Variants in CSTA observed in about 807,000 individuals in gnomAD.
The protein encoded by CSTA is cystatin-A.
A neutral mutation model predicts 9.2 loss-of-function variants in CSTA; 9 were observed. The ratio of observed to expected loss-of-function variants is 0.97; its 90% CI spans 0.59 to 1.70. The LOEUF (loss-of-function observed/expected upper bound fraction) is 1.70, where lower values mean the gene tolerates loss of function less well. CSTA is among the 40% of genes most tolerant of loss of function. The probability of loss-of-function intolerance (pLI) is 0.00; values close to 1 mark genes in which losing one functional copy is unlikely to be tolerated. For synonymous variants in CSTA, 36 were observed against 40.6 expected (o/e 0.89, Z 0.43); for missense variants, 118 against 113.1 (o/e 1.04, Z -0.20).
chr3:122,330,771 G>A (rs1031457315), intron 1 of CSTA, among the ~76,000 whole-genome samples: 3 of 152,168 alleles, frequency 2.0e-5, no homozygotes, highest in African/African-American at 7.2e-5. Context: ...AGAACTGTGT[G>A]AATTGCTATG....
intron 1 of CSTA, among the ~76,000 whole-genome samples, chr3:122,333,540 GA>G (rs1274127478): frequency 8.9e-6 from 1 of 112,078 alleles, no homozygotes; most frequent in African/African-American, 3.4e-5. Flanking sequence ...AGAAAAGAAA[GA>G]AGAAAGAAAG....
Position 122,330,676 on chromosome 3 carries a change from C to G in CSTA, c.66+5318C>G, listed in dbSNP as rs143194624. Among the ~76,000 whole-genome samples, 10 of 152,334 alleles carry G rather than the reference C, an allele frequency of 6.6e-5. No homozygotes were observed. In the East Asian group the frequency reaches 1.9e-3, roughly 29 times the overall value. On this transcript the variant is annotated intron_variant, in intron 1 of 2. Transcript: ENST00000264474. ...CGTATTAGCTGATGTCATTGCTATA[C>G]TCATCTTTCCTATTTGGGGAGACAA...
At chr3:122,337,898 T>G (rs1272889236) in intron 2 of CSTA, 2 of 464,816 alleles carry the variant, frequency 4.3e-6, no homozygotes, top group Non-Finnish European at 7.9e-6. Context: ...AAAGATTTCA[T>G]AACAGTTCAG....
At chr3:122,326,310 C>T (rs1300332041) in intron 1 of CSTA, among the ~76,000 whole-genome samples, 2 of 152,134 alleles carry the variant, frequency 1.3e-5, no homozygotes, top group African/African-American at 4.8e-5. Context: ...GGATTACAGG[C>T]GTGAGCCACC....
chr3:122,325,882 G>C (rs532078954), intron 1 of CSTA, among the ~76,000 whole-genome samples: 1 of 152,218 alleles, frequency 6.6e-6, no homozygotes, highest in South Asian at 2.1e-4. Context: ...ATAGTTAAAA[G>C]GTAATTCAAC....
rs1372694334 is a variant in CSTA at position 122,325,411 on chromosome 3, T to G, written c.66+53T>G. ...CTGAGCCAAAATCTTGATTCATAAG[T>G]TGTCCCTGTGGAAAGGCTGTGGTTG... On this transcript the variant is annotated intron_variant, in intron 1 of 2. Transcript: ENST00000264474. 1.9e-6 allele frequency: 3 copies of G among 1,552,718 alleles called. No individual in the cohort carries two copies. In the African/African-American group the frequency reaches 4.1e-5, roughly 21 times the overall value.
At position 122,341,542 on chromosome 3, in the gene CSTA, A is replaced by T. The variant is rs1362356969; in HGVS notation, c.272A>T (p.Lys91Met). The T allele has an allele frequency of 6.8e-6, 11 of 1,614,080 alleles. No individual in the cohort carries two copies. Among genetic ancestry groups the T allele is most frequent in the Non-Finnish European group, 9.3e-6 (11 of 1,180,030 alleles). Residue 91 changes from lysine (K) to methionine (M), a missense_variant, in exon 3 of 3, where the codon AAG (lysine) becomes ATG (methionine). Lys to Met is a moderately conservative substitution (Grantham distance 95). Coordinates refer to ENST00000264474, the MANE Select transcript of CSTA (RefSeq NM_005213.4). ...VLTGYQVDKNKDDELTGF is the reference protein window; with the variant it reads ...VLTGYQVDKNMDDELTGF Reference sequence around the variant, plus strand: ...ACTGGATACCAGGTTGACAAAAACAAGGATGACGAGCTGACGGGCTTTTAG... The same window carrying T: ...ACTGGATACCAGGTTGACAAAAACATGGATGACGAGCTGACGGGCTTTTAG...
chr3:122,337,480 T>A, intron 1 of CSTA, 67 bp from the exon 2 acceptor site: 3 of 1,038,194 alleles, frequency 2.9e-6, no homozygotes, highest in Non-Finnish European at 4.6e-6. Flanking sequence ...GGTTCCCAGA[T>A]GGGTACATTG....
intron 1 of CSTA, among the ~76,000 whole-genome samples, chr3:122,335,047 C>CAA (rs1185733639): frequency 5.9e-5 from 9 of 152,134 alleles, no homozygotes; most frequent in Non-Finnish European, 1.2e-4. Context: ...GGAACTGAGT[C>CAA]AAGAGCTCAT....
intron 2 of CSTA, 118 bp from the exon 3 acceptor site, chr3:122,341,321 A>G: frequency 9.8e-7 from 1 of 1,015,408 alleles, no homozygotes; most frequent in South Asian, 1.3e-5. Context: ...AGGTCTAGCA[A>G]TGCTGTTCCT....
chr3:122,341,041 A>C (rs188100853), intron 2 of CSTA, among the ~76,000 whole-genome samples: 20 of 152,064 alleles, frequency 1.3e-4, no homozygotes, highest in African/African-American at 4.3e-4. Context: ...TCCTGGGTTC[A>C]AGTGATTCTC....
In CSTA at chr3:122,341,549, C is replaced by T. The variant is rs569377469; in HGVS notation, c.279C>T (p.Asp93=). Residue 93 remains aspartate (D), a synonymous_variant, in exon 3 of 3, where the codon GAC becomes GAT. Coordinates refer to ENST00000264474, the MANE Select transcript of CSTA (RefSeq NM_005213.4). ...TGYQVDKNKD[D]ELTGF ...ACCAGGTTGACAAAAACAAGGATGACGAGCTGACGGGCTTTTAGCAGCATG... is the reference window on the plus strand; with the variant it reads ...ACCAGGTTGACAAAAACAAGGATGATGAGCTGACGGGCTTTTAGCAGCATG... 2.6e-5 allele frequency: 42 copies of T among 1,614,086 alleles called. No individual in the cohort carries two copies. Among genetic ancestry groups the T allele is most frequent in the Middle Eastern group, 3.3e-4 (2 of 6,062 alleles).
At chr3:122,333,945 T>G (rs564500097) in intron 1 of CSTA, among the ~76,000 whole-genome samples, 1 of 152,214 alleles carries the variant, frequency 6.6e-6, no homozygotes, top group Admixed American at 6.5e-5. Flanking sequence ...TTTAAATGGA[T>G]ACTTTGGGGG....
chr3:122,331,703 C>T (rs1334642318), intron 1 of CSTA, among the ~76,000 whole-genome samples: 1 of 152,186 alleles, frequency 6.6e-6, no homozygotes, highest in Non-Finnish European at 1.5e-5. Context: ...CCCAGGGCTG[C>T]CAGAACATTC....
chr3:122,325,965 G>T (rs1406473768), intron 1 of CSTA, among the ~76,000 whole-genome samples: 1 of 152,156 alleles, frequency 6.6e-6, no homozygotes, highest in East Asian at 1.9e-4. Flanking sequence ...TGGAAAAATA[G>T]AACTCAATGT....
chr3:122,335,510 T>C (rs935742031), intron 1 of CSTA, among the ~76,000 whole-genome samples: 36 of 152,190 alleles, frequency 2.4e-4, no homozygotes, highest in African/African-American at 8.7e-4. Context: ...GGCGAATACA[T>C]TGCAAATAAT....
Position 122,325,263 on chromosome 3 carries a change from T to A in CSTA, c.-30T>A. On this transcript the variant is annotated 5_prime_UTR_variant, in exon 1 of 3. Coordinates refer to ENST00000264474, the MANE Select transcript of CSTA (RefSeq NM_005213.4). ...TTCCCTGTTCACTTTGGTTCCAGCA[T>A]CCTGTCCAGCAAAGAAGCAATCAGC... The A allele has an allele frequency of 6.2e-7, 1 of 1,611,648 alleles. No homozygotes were observed. The highest frequency in any genetic ancestry group is 1.3e-5 in the African/African-American group (1 of 74,844).
intron 1 of CSTA, among the ~76,000 whole-genome samples, chr3:122,326,130 CCA>C (rs34569363): frequency 0.12 from 18,474 of 152,176 alleles, 1,454 homozygotes; most frequent in East Asian, 0.41. Context: ...GCGATCCTCC[CCA>C]CTCAGCCTCC....
At chr3:122,333,326 C>T (rs1454496587) in intron 1 of CSTA, among the ~76,000 whole-genome samples, 3 of 152,104 alleles carry the variant, frequency 2.0e-5, no homozygotes, top group Non-Finnish European at 4.4e-5. Flanking sequence ...GCCTGGCAAA[C>T]ATGGTGAAAC....
Sources: gnomAD v4.1 joint callset for allele counts (sites outside exome capture counted in the v4.1 genomes callset) on GRCh38, gnomAD v4.1.1 for gene constraint, MANE v1.5 for transcripts, NCBI Gene and HGNC (gene_info 2026-07-23, HGNC 2026-07-21) for gene names.